CRPPA: variants seen among roughly 807,000 people sequenced by gnomAD.
CRPPA encodes the protein D-ribitol-5-phosphate cytidylyltransferase.
In CRPPA, 43 loss-of-function variants were observed where a neutral mutation model predicts 52.0. The ratio of observed to expected loss-of-function variants is 0.83; its 90% confidence interval spans 0.65 to 1.07. The LOEUF is 1.07. Among genes scored for constraint, CRPPA ranks in the 50% least tolerant of loss-of-function variants. The pLI is 0.00. For synonymous variants in CRPPA, 250 were observed against 203.5 expected, an observed-to-expected ratio of 1.23 and a Z score of -1.94; for missense variants, 629 against 551.7, an observed-to-expected ratio of 1.14 and a Z score of -1.40.
chr7:16,379,055 G>A (rs1786996662), intron 2 of CRPPA, among the ~76,000 whole-genome samples: 1 of 152,092 alleles, frequency 6.6e-6, no homozygotes, highest in Non-Finnish European at 1.5e-5. Context: ...CATTTTGTAG[G>A]TTGCCTGTTC....
intron 9 of CRPPA, among the ~76,000 whole-genome samples, chr7:16,117,626 A>T (rs1030557074): frequency 6.6e-6 from 1 of 152,188 alleles, no homozygotes; most frequent in East Asian, 1.9e-4. Flanking sequence ...CATCCTTGCC[A>T]CTTGGAAGTG....
chr7:16,229,389 T>C (rs1782733102), intron 8 of CRPPA, among the ~76,000 whole-genome samples: 2 of 151,984 alleles, frequency 1.3e-5, no homozygotes, highest in Admixed American at 1.3e-4. Context: ...GCCAAGTAAA[T>C]TTTTTTAGTG....
intron 3 of CRPPA, among the ~76,000 whole-genome samples, chr7:16,324,054 T>C (rs781695748): frequency 1.3e-5 from 2 of 152,198 alleles, no homozygotes; most frequent in Non-Finnish European, 2.9e-5. Flanking sequence ...CGACGTTCTA[T>C]CTTGTGAGAT....
At chr7:16,130,377 C>G (rs1027737917) in intron 9 of CRPPA, among the ~76,000 whole-genome samples, 2 of 152,010 alleles carry the variant, frequency 1.3e-5, no homozygotes, top group Non-Finnish European at 2.9e-5. Flanking sequence ...AAATGCTATT[C>G]CAAATAAAAA....
chr7:16,371,956 A>G (rs879892702), intron 3 of CRPPA, among the ~76,000 whole-genome samples: 1 of 152,154 alleles, frequency 6.6e-6, no homozygotes, highest in Admixed American at 6.5e-5. Context: ...GACGCAGAAG[A>G]AAGAATTTCA....
chr7:16,314,530 G>A (rs1188068742), intron 3 of CRPPA, among the ~76,000 whole-genome samples: 1 of 151,962 alleles, frequency 6.6e-6, no homozygotes, highest in African/African-American at 2.4e-5. Flanking sequence ...TTTCCTTTAT[G>A]TAGATCCATG....
At chr7:16,204,157 T>A (rs1781917363) in intron 9 of CRPPA, among the ~76,000 whole-genome samples, 1 of 152,200 alleles carries the variant, frequency 6.6e-6, no homozygotes, top group Admixed American at 6.5e-5. Context: ...ATTTTCCTTT[T>A]TAAATTTTTA....
chr7:16,099,191 C>T (rs577920956), intron 9 of CRPPA, among the ~76,000 whole-genome samples: 4 of 150,556 alleles, frequency 2.7e-5, no homozygotes, highest in South Asian at 2.1e-4. Flanking sequence ...AGTTCAAGGC[C>T]GCAGTGAGCA....
At position 16,389,929 on chromosome 7, in the gene CRPPA, ATATAT is replaced by A. The variant is rs1285604273; in HGVS notation, c.535-13693_535-13689del. The stretch of plus-strand genomic sequence containing the variant: ...CCTAGTATACAAAAAAAAAAAAAAA[ATATAT>A]ATATATATATATATATATATATATC... On this transcript the variant is annotated intron_variant, in intron 2 of 9. Transcript: ENST00000407010. 7.9e-5 allele frequency among the ~76,000 whole-genome samples: 3 copies of A among 38,118 alleles called. 1 individual carries two copies. Among genetic ancestry groups the A allele is most frequent in the African/African-American group, 3.7e-4 (3 of 8,066 alleles). 25.0% of individuals were successfully genotyped at this position (38,118 alleles called of 152,430 possible).
intron 9 of CRPPA, among the ~76,000 whole-genome samples, chr7:16,203,531 G>T (rs1781904702): frequency 6.6e-6 from 1 of 151,962 alleles, no homozygotes; most frequent in Non-Finnish European, 1.5e-5. Context: ...ATATAAAGTG[G>T]GAGCAGTATA....
intron 5 of CRPPA, among the ~76,000 whole-genome samples, chr7:16,284,630 T>C (rs1469358892): frequency 6.6e-6 from 1 of 152,148 alleles, no homozygotes; most frequent in Non-Finnish European, 1.5e-5. Context: ...CATAATCATA[T>C]GTGACAATGG....
intron 9 of CRPPA, among the ~76,000 whole-genome samples, chr7:16,135,418 T>G (rs1217018565): frequency 6.6e-6 from 1 of 152,156 alleles, no homozygotes; most frequent in Non-Finnish European, 1.5e-5. Context: ...TGAAAGTTTC[T>G]TCAACTTATT....
chr7:16,399,672 C>T (rs531447747), intron 2 of CRPPA, among the ~76,000 whole-genome samples: 42 of 151,880 alleles, frequency 2.8e-4, no homozygotes, highest in Non-Finnish European at 4.0e-4. Flanking sequence ...ACGTGGCCGA[C>T]GCATGACCAG....
intron 6 of CRPPA, among the ~76,000 whole-genome samples, chr7:16,277,658 TA>T (rs1401135536): frequency 6.6e-6 from 1 of 152,182 alleles, no homozygotes; most frequent in Non-Finnish European, 1.5e-5. Context: ...TGCCTAGCCC[TA>T]ATATTAGATA....
chr7:16,237,374 C>T (rs1782981940), intron 8 of CRPPA: 1 of 152,112 alleles, frequency 6.6e-6, no homozygotes, highest in East Asian at 1.9e-4. Flanking sequence ...GGCCGTCTTC[C>T]AGCTTGCAGA....
Position 16,337,510 on chromosome 7 carries a change from T to C in CRPPA, c.685-28883A>G, listed in dbSNP as rs182043760. Among the ~76,000 whole-genome samples the C allele has an allele frequency of 1.6e-3, 244 of 151,936 alleles. 1 individual carries two copies. The highest frequency in any genetic ancestry group is 8.5e-3 in the South Asian group (41 of 4,814). On this transcript the variant is annotated intron_variant, in intron 3 of 9. Coordinates refer to ENST00000407010, the MANE Select transcript of CRPPA (RefSeq NM_001101426.4). Reference sequence around the variant, plus strand: ...CATTAAACATCTATATCAAGGTAGATCACAACCAAAATTTAGAAAAAGTAA... The same window carrying C: ...CATTAAACATCTATATCAAGGTAGACCACAACCAAAATTTAGAAAAAGTAA...
chr7:16,155,698 G>T (rs1783165165), intron 9 of CRPPA, among the ~76,000 whole-genome samples: 1 of 151,998 alleles, frequency 6.6e-6, no homozygotes, highest in African/African-American at 2.4e-5. Context: ...TAGACTGTTT[G>T]TGTTATCGAT....
At chr7:16,252,348 AC>A (rs1278216889) in intron 8 of CRPPA, among the ~76,000 whole-genome samples, 1 of 152,198 alleles carries the variant, frequency 6.6e-6, no homozygotes, top group Non-Finnish European at 1.5e-5. Context: ...GACAAAATTC[AC>A]AAGCCCTTCA....
rs184461721 is a variant in CRPPA, at chr7:16,384,145, C to G, written c.535-7904G>C. Among the ~76,000 whole-genome samples the G allele has an allele frequency of 2.5e-3, 376 of 152,228 alleles. 4 individuals carry two copies. The highest frequency in any genetic ancestry group is 8.5e-3 in the African/African-American group (354 of 41,548). ...TCCTATTCAGCCATCTTGGCTGCAG[C>G]CGTGTTAGGGCCACTCATGATGCAG... is the stretch of plus-strand genomic sequence containing the variant. On this transcript the variant is annotated intron_variant, in intron 2 of 9. Coordinates refer to ENST00000407010, the MANE Select transcript of CRPPA (RefSeq NM_001101426.4).
Sources: allele counts gnomAD v4.1 joint callset (sites outside exome capture counted in the v4.1 genomes callset), GRCh38; gene constraint gnomAD v4.1.1; transcripts MANE v1.5; gene names NCBI Gene and HGNC (gene_info 2026-07-23, HGNC 2026-07-21).